GMDS: variants seen among roughly 807,000 people sequenced by gnomAD.
The protein encoded by GMDS is GDP-mannose 4,6-dehydratase.
GMDS carries 20 observed loss-of-function variants against 49.9 expected under a neutral mutation model. The ratio of observed to expected loss-of-function variants is 0.40; its 90% CI spans 0.28 to 0.58. GMDS has a LOEUF of 0.58. Ranked by LOEUF, GMDS falls within the 20% of genes least tolerant of loss-of-function variation. The pLI is 0.42. For missense variants in GMDS, 362 were observed against 481.4 expected (o/e 0.75, Z 2.32); for synonymous variants, 177 against 178.6 (o/e 0.99, Z 0.07).
chr6:2,168,700 C>G (rs1194095527), intron 1 of GMDS, among the ~76,000 whole-genome samples: 3 of 152,156 alleles, frequency 2.0e-5, no homozygotes, highest in Non-Finnish European at 4.4e-5. Flanking sequence ...TCAACTGCTT[C>G]TTTTAAAAGA....
intron 1 of GMDS, among the ~76,000 whole-genome samples, chr6:2,201,353 A>C (rs1779524412): frequency 7.6e-6 from 1 of 131,622 alleles, no homozygotes; most frequent in Non-Finnish European, 1.6e-5. Flanking sequence ...AGAGAGGTGA[A>C]GGATGAAGAG....
chr6:2,142,083 G>T (rs1040102748), intron 1 of GMDS, among the ~76,000 whole-genome samples: 1 of 152,110 alleles, frequency 6.6e-6, no homozygotes, highest in Non-Finnish European at 1.5e-5. Flanking sequence ...TATGGCACTT[G>T]AACAAAGACC....
chr6:2,034,747 C>A lies in GMDS; in HGVS notation c.346-73781G>T, dbSNP rs184228396. On this transcript the variant is annotated intron_variant, in intron 4 of 10. Coordinates refer to ENST00000380815, the MANE Select transcript of GMDS (RefSeq NM_001500.4). ...AAACTATTATCAAAAAATACAAACA[C>A]ATCATTTGCCTTTTTTGTTCTTATA... Among the ~76,000 whole-genome samples, 15 of 152,294 alleles carry A rather than the reference C, an allele frequency of 9.8e-5. No individual in the cohort carries two copies. The East Asian group carries it at 2.7e-3, about 27-fold the overall frequency.
chr6:2,091,662 T>C (rs538177303), intron 4 of GMDS, among the ~76,000 whole-genome samples: 1 of 152,274 alleles, frequency 6.6e-6, no homozygotes, highest in Non-Finnish European at 1.5e-5. Context: ...AGCTCACGCC[T>C]ATAAGGGAGG....
intron 7 of GMDS, among the ~76,000 whole-genome samples, chr6:1,850,727 C>T (rs959001402): frequency 2.6e-5 from 4 of 152,172 alleles, no homozygotes; most frequent in African/African-American, 4.8e-5. Context: ...TCAATTTATC[C>T]GGCGATCTAT....
chr6:1,756,904 T>C (rs908019123), intron 7 of GMDS, among the ~76,000 whole-genome samples: 24 of 152,212 alleles, frequency 1.6e-4, no homozygotes, highest in Admixed American at 6.5e-5. Flanking sequence ...TCCGCACGCA[T>C]TGGCGACAGG....
chr6:1,624,820 C>A (rs1762798847), intron 9 of GMDS: 58 of 147,842 alleles, frequency 3.9e-4, no homozygotes, highest in Middle Eastern at 3.1e-3. Context: ...CCCTTGGGCT[C>A]TTAATGCTTT....
rs1774929619 is a variant in GMDS, at chr6:2,117,835, A to AAC, written c.148-281_148-280dup. On this transcript the variant is annotated intron_variant, in intron 2 of 10. Coordinates refer to ENST00000380815, the MANE Select transcript of GMDS (RefSeq NM_001500.4). ...AGATACTCAAATGTCTCCTTTTCCAAACACACACACTTACAGCCTAACTGC... is the reference window on the plus strand; with the variant it reads ...AGATACTCAAATGTCTCCTTTTCCAAACACACACACACTTACAGCCTAACTGC... 2.0e-5 allele frequency among the ~76,000 whole-genome samples: 3 copies of AAC among 152,264 alleles called. No individual in the cohort carries two copies. In the South Asian group the frequency reaches 6.2e-4, roughly 32 times the overall value.
Position 2,082,288 on chromosome 6 carries a change from G to C in GMDS, c.345+33483C>G, listed in dbSNP as rs546441346. On this transcript the variant is annotated intron_variant, in intron 4 of 10. Coordinates refer to ENST00000380815, the MANE Select transcript of GMDS (RefSeq NM_001500.4). ...TGGTCATTCCCTCGATGCACTTCAAGTATTTTCTTTTAGTAATCAGGAAAG... is the reference window on the plus strand; with the variant it reads ...TGGTCATTCCCTCGATGCACTTCAACTATTTTCTTTTAGTAATCAGGAAAG... Among the ~76,000 whole-genome samples, 4 of 152,272 alleles carry C rather than the reference G, an allele frequency of 2.6e-5. No individual in the cohort carries two copies. The East Asian group carries it at 7.7e-4, about 29-fold the overall frequency.
At chr6:2,211,738 C>T (rs1780070584) in intron 1 of GMDS, among the ~76,000 whole-genome samples, 1 of 152,022 alleles carries the variant, frequency 6.6e-6, no homozygotes, top group South Asian at 2.1e-4. Context: ...TAATCTATGC[C>T]GTAGGGTCAG....
At chr6:1,916,417 C>A (rs372289680) in intron 7 of GMDS, among the ~76,000 whole-genome samples, 1 of 151,730 alleles carries the variant, frequency 6.6e-6, no homozygotes, top group East Asian at 1.9e-4. Context: ...ATTCCTACCC[C>A]ACAATCTGTG....
At chr6:1,689,803 G>T (rs1174681078) in intron 9 of GMDS, among the ~76,000 whole-genome samples, 1 of 152,190 alleles carries the variant, frequency 6.6e-6, no homozygotes, top group Admixed American at 6.5e-5. Flanking sequence ...TTGTAATAAA[G>T]TGAAGACGCG....
intron 9 of GMDS, among the ~76,000 whole-genome samples, chr6:1,668,874 A>T (rs536243806): frequency 2.6e-5 from 4 of 152,258 alleles, no homozygotes; most frequent in Non-Finnish European, 5.9e-5. Context: ...CACATCAGGT[A>T]ATTCTGGCCA....
rs541290063 is a variant in GMDS at position 1,643,044 on chromosome 6, G to A, written c.988-18504C>T. Reference sequence around the variant, plus strand: ...GACGAGGGGGGCATCCTGCAGAGCCGGTCCATACTTCCTTTTATTTTCTTA... The same window carrying A: ...GACGAGGGGGGCATCCTGCAGAGCCAGTCCATACTTCCTTTTATTTTCTTA... On this transcript the variant is annotated intron_variant, in intron 9 of 10. Coordinates refer to ENST00000380815, the MANE Select transcript of GMDS (RefSeq NM_001500.4). Among the ~76,000 whole-genome samples, 6 of 152,272 alleles carry A rather than the reference G, an allele frequency of 3.9e-5. No homozygotes were observed. In the South Asian group the frequency reaches 6.2e-4, roughly 16 times the overall value.
intron 7 of GMDS, among the ~76,000 whole-genome samples, chr6:1,845,665 C>T (rs1035079875): frequency 5.9e-5 from 9 of 151,976 alleles, no homozygotes; most frequent in Non-Finnish European, 8.8e-5. Flanking sequence ...GGGTGTGGGG[C>T]GATGGTTTTG....
intron 6 of GMDS, chr6:1,951,862 T>TAATG (rs1763355672): frequency 1.0e-6 from 1 of 981,648 alleles, no homozygotes; most frequent in Non-Finnish European, 1.2e-6. Flanking sequence ...TTAAGCAAAC[T>TAATG]AATGGTCTTT....
intron 1 of GMDS, among the ~76,000 whole-genome samples, chr6:2,176,143 C>T (rs1050744555): frequency 6.6e-6 from 1 of 152,192 alleles, no homozygotes; most frequent in Non-Finnish European, 1.5e-5. Flanking sequence ...TGCCTCCCCA[C>T]ATCAGTTACT....
intron 7 of GMDS, among the ~76,000 whole-genome samples, chr6:1,858,967 G>C (rs3800102): frequency 0.5 from 75,704 of 150,554 alleles, 21,699 homozygotes; most frequent in Non-Finnish European, 0.63. Flanking sequence ...TTGTGTTTTG[G>C]GGGGGGCAGG....
At chr6:2,142,038 AG>A (rs1776323350) in intron 1 of GMDS, among the ~76,000 whole-genome samples, 3 of 152,250 alleles carry the variant, frequency 2.0e-5, no homozygotes, top group Admixed American at 2.0e-4. Flanking sequence ...GCCCAACAAT[AG>A]GCACTTGTAT....
Sources: allele counts gnomAD v4.1 joint callset (sites outside exome capture counted in the v4.1 genomes callset), GRCh38; gene constraint gnomAD v4.1.1; transcripts MANE v1.5; gene names NCBI Gene and HGNC (gene_info 2026-07-23, HGNC 2026-07-21).